Variants in RYR2 observed in about 807,000 individuals in gnomAD.
RYR2 encodes cardiac muscle ryanodine receptor-calcium release channel.
RYR2 carries 227 observed loss-of-function variants against 601.1 expected under a neutral mutation model. That is an observed-to-expected ratio of 0.38 (90% CI 0.34 to 0.42). RYR2 has a LOEUF of 0.42. RYR2 is among the 10% of genes least tolerant of loss of function. The probability of loss-of-function intolerance (pLI) is 1.00; values close to 1 mark genes in which losing one functional copy is unlikely to be tolerated. For synonymous variants in RYR2, 2,223 were observed against 2,175.1 expected (o/e 1.02, Z -0.61); for missense variants, 4,646 against 6,156.5 (o/e 0.75, Z 8.21).
Position 237,270,553 on chromosome 1 carries a change from A to G in RYR2, c.105A>G (p.Leu35=). The G allele has an allele frequency of 1.3e-6, 2 of 1,599,322 alleles. No individual in the cohort carries two copies. The highest frequency in any genetic ancestry group is 2.2e-5 in the East Asian group (1 of 44,468). ...CCATCCACAAAGAACAACAGAAGCT[A>G]TGCTTGGCAGCAGAAGGATTTGGCA... The part of the protein sequence containing the change: ...TATIHKEQQK[L]CLAAEGFGNR... The change falls in exon 2 of 105, where the codon CTA becomes CTG. Residue 35 remains leucine (L), a synonymous_variant. Coordinates refer to ENST00000366574, the MANE Select transcript of RYR2 (RefSeq NM_001035.3).
chr1:237,253,483 G>T (rs1687670959), intron 1 of RYR2, among the ~76,000 whole-genome samples: 1 of 152,120 alleles, frequency 6.6e-6, no homozygotes, highest in South Asian at 2.1e-4. Flanking sequence ...TTGTAAACTG[G>T]CAGAGGCTCA....
chr1:237,465,686 G>A (rs917282571), intron 16 of RYR2, among the ~76,000 whole-genome samples: 7 of 152,076 alleles, frequency 4.6e-5, no homozygotes, highest in Non-Finnish European at 1.0e-4. Flanking sequence ...GCGCGGCTAC[G>A]CTATACTGGA....
At chr1:237,248,282 GC>G (rs1171897382) in intron 1 of RYR2, among the ~76,000 whole-genome samples, 364 of 14,072 alleles carry the variant, frequency 0.026, 35 homozygotes, top group South Asian at 0.093. Flanking sequence ...CCGCAACCCC[GC>G]CCCCCCCCCC....
intron 2 of RYR2, among the ~76,000 whole-genome samples, chr1:237,304,371 C>T (rs1693668243): frequency 6.6e-6 from 1 of 152,160 alleles, no homozygotes; most frequent in Non-Finnish European, 1.5e-5. Context: ...TCCATTATAA[C>T]TGAACATCAT....
chr1:237,563,840 T>C (rs2148220352), intron 27 of RYR2, among the ~76,000 whole-genome samples: 1 of 152,244 alleles, frequency 6.6e-6, no homozygotes, highest in South Asian at 2.1e-4. Context: ...ATTTGTGAAG[T>C]CTTGATATAT....
intron 12 of RYR2, among the ~76,000 whole-genome samples, chr1:237,438,741 A>G (rs925114050): frequency 1.3e-5 from 2 of 152,244 alleles, no homozygotes; most frequent in Non-Finnish European, 2.9e-5. Flanking sequence ...CTGCCAGAGT[A>G]GCAGACAGAT....
intron 1 of RYR2, among the ~76,000 whole-genome samples, chr1:237,128,032 G>A (rs1671723322): frequency 6.6e-6 from 1 of 152,242 alleles, no homozygotes; most frequent in South Asian, 2.1e-4. Flanking sequence ...GCCAAGGCAG[G>A]CGGCTGGGAG....
intron 78 of RYR2, among the ~76,000 whole-genome samples, chr1:237,733,169 A>G (rs941655858): frequency 1.3e-4 from 20 of 152,276 alleles, no homozygotes; most frequent in South Asian, 4.1e-4. Context: ...TAACTTTGCA[A>G]ATTTTAGGTA....
intron 1 of RYR2, among the ~76,000 whole-genome samples, chr1:237,151,766 G>T (rs1674728154): frequency 1.3e-5 from 2 of 152,212 alleles, no homozygotes; most frequent in African/African-American, 4.8e-5. Context: ...AAATGGTGGT[G>T]GGCCAAGGAC....
chr1:237,543,661 A>G (rs1349619195), intron 25 of RYR2, among the ~76,000 whole-genome samples: 1 of 152,218 alleles, frequency 6.6e-6, no homozygotes, highest in Admixed American at 6.5e-5. Context: ...TCCAAGCTTC[A>G]TTTAACTTGA....
chr1:237,436,764 C>T (rs779950091), intron 12 of RYR2, among the ~76,000 whole-genome samples: 1 of 150,936 alleles, frequency 6.6e-6, no homozygotes, highest in Non-Finnish European at 1.5e-5. Flanking sequence ...GATAGACATA[C>T]GGATGATTTT....
At chr1:237,210,586 A>G (rs1572214483) in intron 1 of RYR2, among the ~76,000 whole-genome samples, 1 of 151,958 alleles carries the variant, frequency 6.6e-6, no homozygotes, top group Admixed American at 6.6e-5. Context: ...CTGCCATTCC[A>G]TTATATGCTG....
At chr1:237,506,979 G>A (rs1234717291) in intron 23 of RYR2, among the ~76,000 whole-genome samples, 165 bp downstream of exon 23, 3 of 152,128 alleles carry the variant, frequency 2.0e-5, no homozygotes, top group Non-Finnish European at 4.4e-5. Context: ...CTACGTTATT[G>A]TAGTTAATGG....
chr1:237,748,044 T>C (rs1471566766), intron 80 of RYR2, among the ~76,000 whole-genome samples: 1 of 152,176 alleles, frequency 6.6e-6, no homozygotes, highest in Non-Finnish European at 1.5e-5. Flanking sequence ...CAAGTGATTA[T>C]CTCGTGTCTT....
At chr1:237,153,786 C>T (rs1045110074) in intron 1 of RYR2, among the ~76,000 whole-genome samples, 3 of 151,916 alleles carry the variant, frequency 2.0e-5, no homozygotes, top group Admixed American at 6.5e-5. Context: ...TTTAAGTTAC[C>T]CCAAGGCTGT....
At chr1:237,734,467 G>C (rs1690962724) in intron 79 of RYR2, among the ~76,000 whole-genome samples, 1 of 152,162 alleles carries the variant, frequency 6.6e-6, no homozygotes, top group African/African-American at 2.4e-5. Context: ...ATAAGATTTT[G>C]GTGGGGATAC....
At chr1:237,674,496 C>T (rs1266555822) in intron 59 of RYR2, among the ~76,000 whole-genome samples, 4 of 152,152 alleles carry the variant, frequency 2.6e-5, no homozygotes, top group Middle Eastern at 3.4e-3. Flanking sequence ...TGCAACACTT[C>T]GTTGCATAGT....
intron 1 of RYR2, among the ~76,000 whole-genome samples, chr1:237,257,534 T>C (rs1248734002): frequency 6.6e-6 from 1 of 152,120 alleles, no homozygotes; most frequent in Non-Finnish European, 1.5e-5. Context: ...CTTTTAAAGG[T>C]ATAGAAAGTA....
intron 13 of RYR2, among the ~76,000 whole-genome samples, chr1:237,441,699 A>G (rs1707917147): frequency 6.6e-6 from 1 of 152,146 alleles, no homozygotes. Flanking sequence ...GGATGCGTGC[A>G]TTTAAATATG....
Sources: gnomAD v4.1 joint callset for allele counts (sites outside exome capture counted in the v4.1 genomes callset) on GRCh38, gnomAD v4.1.1 for gene constraint, MANE v1.5 for transcripts, NCBI Gene and HGNC (gene_info 2026-07-23, HGNC 2026-07-21) for gene names.